TTC27: variants seen among roughly 807,000 people sequenced by gnomAD.
TTC27 encodes tetratricopeptide repeat protein 27.
TTC27 carries 79 observed loss-of-function variants against 115.9 expected under a neutral mutation model. The ratio of observed to expected loss-of-function variants is 0.68; its 90% CI spans 0.57 to 0.82. The LOEUF is 0.82. Among genes scored for constraint, TTC27 ranks in the 40% least tolerant of loss-of-function variants. TTC27 has a pLI of 0.00. For synonymous variants in TTC27, 401 were observed against 356.0 expected, an observed-to-expected ratio of 1.13 and a Z score of -1.42; for missense variants, 1,054 against 993.1, an observed-to-expected ratio of 1.06 and a Z score of -0.82.
At chr2:32,684,144 T>C (rs1666544844) in intron 9 of TTC27, among the ~76,000 whole-genome samples, 1 of 151,992 alleles carries the variant, frequency 6.6e-6, no homozygotes, top group Non-Finnish European at 1.5e-5. Flanking sequence ...CACGACAGAG[T>C]GAGACTCTGA....
At chr2:32,710,978 A>G (rs971402336) in intron 10 of TTC27, among the ~76,000 whole-genome samples, 1 of 151,528 alleles carries the variant, frequency 6.6e-6, no homozygotes, top group Non-Finnish European at 1.5e-5. Flanking sequence ...TTAGCTAGGC[A>G]TGGTGGTGGG....
chr2:32,804,572 A>T (rs1203224777), intron 16 of TTC27, among the ~76,000 whole-genome samples: 4 of 152,182 alleles, frequency 2.6e-5, no homozygotes, highest in African/African-American at 9.7e-5. Flanking sequence ...AACATGAAAA[A>T]AATTCTATAG....
At chr2:32,691,945 C>T (rs1413316610) in intron 9 of TTC27, among the ~76,000 whole-genome samples, 1 of 149,130 alleles carries the variant, frequency 6.7e-6, no homozygotes, top group Admixed American at 6.7e-5. Flanking sequence ...GAAATTCCAT[C>T]TCATGGATAA....
At chr2:32,769,034 T>G (rs1042971522) in intron 13 of TTC27, among the ~76,000 whole-genome samples, 1 of 152,184 alleles carries the variant, frequency 6.6e-6, no homozygotes, top group Non-Finnish European at 1.5e-5. Context: ...AGCCCAACAG[T>G]GAGGCCTGAG....
intron 16 of TTC27, among the ~76,000 whole-genome samples, chr2:32,799,264 A>G (rs570176691): frequency 6.6e-6 from 1 of 152,332 alleles, no homozygotes; most frequent in East Asian, 1.9e-4. Context: ...AATGGGGTAG[A>G]GTTTCAGTTT....
intron 9 of TTC27, among the ~76,000 whole-genome samples, chr2:32,693,045 C>T (rs4952283): frequency 0.66 from 99,761 of 151,850 alleles, 32,971 homozygotes; most frequent in South Asian, 0.72. Flanking sequence ...CGGAGTGATA[C>T]GTCTTGTTCG....
At chr2:32,647,869 T>C (rs1559186223) in intron 4 of TTC27, among the ~76,000 whole-genome samples, 1 of 151,836 alleles carries the variant, frequency 6.6e-6, no homozygotes, top group Admixed American at 6.5e-5. Context: ...TTTTTGGTAA[T>C]TGTCATCTCA....
intron 11 of TTC27, among the ~76,000 whole-genome samples, chr2:32,736,056 T>A (rs934832580): frequency 1.2e-4 from 18 of 152,208 alleles, no homozygotes; most frequent in African/African-American, 3.9e-4. Flanking sequence ...CCTACTTTTT[T>A]AAATCTTTAA....
At chr2:32,727,339 G>A (rs139382872) in intron 10 of TTC27, among the ~76,000 whole-genome samples, 1 of 152,336 alleles carries the variant, frequency 6.6e-6, no homozygotes, top group Admixed American at 6.5e-5. Context: ...TACACAATCA[G>A]TATTCAAAGT....
chr2:32,784,692 G>T (rs1670291795), intron 15 of TTC27, among the ~76,000 whole-genome samples: 1 of 152,208 alleles, frequency 6.6e-6, no homozygotes, highest in South Asian at 2.1e-4. Flanking sequence ...AGGAAAAAAG[G>T]ATTCATGGAA....
chr2:32,705,936 A>C (rs1383280219), intron 10 of TTC27, among the ~76,000 whole-genome samples: 1 of 152,088 alleles, frequency 6.6e-6, no homozygotes, highest in African/African-American at 2.4e-5. Flanking sequence ...ATAATTTTTT[A>C]AATTGGTATT....
chr2:32,664,813 C>A (rs1665705859), intron 6 of TTC27, among the ~76,000 whole-genome samples: 1 of 151,436 alleles, frequency 6.6e-6, no homozygotes, highest in African/African-American at 2.4e-5. Context: ...CTTGTAAATA[C>A]CCACCTATTC....
At chr2:32,681,910 A>G (rs939303703) in intron 9 of TTC27, among the ~76,000 whole-genome samples, 6 of 145,290 alleles carry the variant, frequency 4.1e-5, no homozygotes, top group Admixed American at 6.9e-5. Context: ...TTGAACTTTT[A>G]TTTGTGCCTC....
At chr2:32,654,697 AT>A (rs1202304878) in intron 5 of TTC27, among the ~76,000 whole-genome samples, 418 of 140,130 alleles carry the variant, frequency 3.0e-3, no homozygotes, top group Middle Eastern at 7.5e-3. Flanking sequence ...TACATGGCTA[AT>A]TTTTTTTTTT....
At chr2:32,777,828 C>A in intron 13 of TTC27, 54 bp from the exon 14 acceptor site, 2 of 1,541,810 alleles carry the variant, frequency 1.3e-6, no homozygotes, top group Non-Finnish European at 1.8e-6. Flanking sequence ...TTTCAGATTA[C>A]ATTCTGTAAA....
At chr2:32,710,795 G>T (rs947278512) in intron 10 of TTC27, among the ~76,000 whole-genome samples, 5 of 151,956 alleles carry the variant, frequency 3.3e-5, no homozygotes, top group Non-Finnish European at 7.4e-5. Context: ...CAAATAACAA[G>T]AATGTGTTTT....
chr2:32,769,629 C>G (rs1349474795), intron 13 of TTC27, among the ~76,000 whole-genome samples: 1 of 150,738 alleles, frequency 6.6e-6, no homozygotes, highest in Non-Finnish European at 1.5e-5. Flanking sequence ...GAATATCATT[C>G]TAGGGGAGAG....
intron 10 of TTC27, among the ~76,000 whole-genome samples, chr2:32,707,091 G>A (rs1372942695): frequency 3.3e-5 from 5 of 152,200 alleles, no homozygotes. Context: ...TGCCAGCTTA[G>A]ACCAGAAATG....
Position 32,734,766 on chromosome 2 carries a change from C to T in TTC27, c.1329+843C>T, listed in dbSNP as rs1036504455. Among the ~76,000 whole-genome samples the T allele has an allele frequency of 7.2e-5, 11 of 152,274 alleles. No individual in the cohort carries two copies. In the South Asian group the frequency reaches 8.3e-4, roughly 11 times the overall value. ...ACATGAACTAGGTTTCTAGTTTCCT[C>T]ACTTTTAATCTATCTCTTTTCCTTA... On this transcript the variant is annotated intron_variant, in intron 11 of 19. Transcript: ENST00000317907.
Sources: allele counts gnomAD v4.1 joint callset (sites outside exome capture counted in the v4.1 genomes callset), GRCh38; gene constraint gnomAD v4.1.1; transcripts MANE v1.5; gene names NCBI Gene and HGNC (gene_info 2026-07-23, HGNC 2026-07-21).